GRM7: variants seen among roughly 807,000 people sequenced by gnomAD.
GRM7 encodes the protein metabotropic glutamate receptor 7.
A neutral mutation model predicts 84.5 loss-of-function variants in GRM7; 35 were observed. That is an observed-to-expected ratio of 0.41 (90% confidence interval 0.32 to 0.55). GRM7 has a LOEUF of 0.55. Ranked by LOEUF, GRM7 falls within the 20% of genes least tolerant of loss-of-function variation. GRM7 has a pLI of 0.19. For synonymous variants in GRM7, 487 were observed against 455.1 expected (o/e 1.07, Z -0.89); for missense variants, 1,003 against 1,194.6 (o/e 0.84, Z 2.36).
At chr3:6,955,524 C>T (rs113823154) in intron 1 of GRM7, among the ~76,000 whole-genome samples, 1 of 149,878 alleles carries the variant, frequency 6.7e-6, no homozygotes. Flanking sequence ...GTGACAGAGC[C>T]AGGCTCCATC....
intron 1 of GRM7, among the ~76,000 whole-genome samples, chr3:6,900,611 C>T (rs1298080205): frequency 6.6e-6 from 1 of 151,886 alleles, no homozygotes; most frequent in Non-Finnish European, 1.5e-5. Flanking sequence ...ATTTGAAATG[C>T]GATGATATAC....
At chr3:7,313,914 T>TGGAGAG in intron 4 of GRM7, among the ~76,000 whole-genome samples, 1 of 116,264 alleles carries the variant, frequency 8.6e-6, no homozygotes, top group South Asian at 2.7e-4. Context: ...AGTTGTAAAA[T>TGGAGAG]GGAGAGAGAG....
At chr3:7,369,088 T>C (rs1694029427) in intron 4 of GRM7, among the ~76,000 whole-genome samples, 1 of 152,104 alleles carries the variant, frequency 6.6e-6, no homozygotes, top group South Asian at 2.1e-4. Flanking sequence ...AGGCAGGGTC[T>C]TTCTCTGTCA....
At chr3:7,617,216 T>G (rs1697130169) in intron 8 of GRM7, among the ~76,000 whole-genome samples, 1 of 152,080 alleles carries the variant, frequency 6.6e-6, no homozygotes, top group Admixed American at 6.6e-5. Context: ...AATGAAACAC[T>G]AGGCATAAAT....
chr3:7,513,130 T>C (rs1415413530), intron 7 of GRM7, among the ~76,000 whole-genome samples: 1 of 152,160 alleles, frequency 6.6e-6, no homozygotes, highest in East Asian at 1.9e-4. Context: ...AGAAAGTTTT[T>C]GCAGAGAAAA....
At chr3:7,603,449 G>C (rs559792782) in intron 8 of GRM7, among the ~76,000 whole-genome samples, 46 of 152,216 alleles carry the variant, frequency 3.0e-4, no homozygotes, top group African/African-American at 1.1e-3. Flanking sequence ...CAGGACCCTT[G>C]ATAGGCCATA....
intron 4 of GRM7, among the ~76,000 whole-genome samples, chr3:7,372,749 A>G (rs1217065897): frequency 1.3e-5 from 2 of 152,130 alleles, no homozygotes; most frequent in African/African-American, 4.8e-5. Context: ...AAGCCATGTT[A>G]TATCTTATCA....
chr3:7,388,703 TA>T (rs1694878646), intron 4 of GRM7, among the ~76,000 whole-genome samples: 1 of 152,128 alleles, frequency 6.6e-6, no homozygotes, highest in South Asian at 2.1e-4. Flanking sequence ...CTATTTCCTT[TA>T]GATTTTCTTT....
At chr3:7,591,842 A>T (rs1002247315) in intron 8 of GRM7, among the ~76,000 whole-genome samples, 1 of 152,156 alleles carries the variant, frequency 6.6e-6, no homozygotes, top group African/African-American at 2.4e-5. Context: ...TACAAAAGTT[A>T]AGTGACTTTT....
At chr3:7,586,308 C>T (rs767206092) in intron 8 of GRM7, among the ~76,000 whole-genome samples, 16 of 152,084 alleles carry the variant, frequency 1.1e-4, no homozygotes, top group Non-Finnish European at 1.8e-4. Context: ...TAGCATACTG[C>T]TCCAGCCATT....
chr3:7,266,227 A>G, intron 2 of GRM7, among the ~76,000 whole-genome samples: 1 of 152,224 alleles, frequency 6.6e-6, no homozygotes, highest in African/African-American at 2.4e-5. Context: ...GTACAGGTTC[A>G]AGCCAGTGCT....
chr3:7,064,304 A>ATCTT (rs1697544953), intron 1 of GRM7, among the ~76,000 whole-genome samples: 1 of 150,546 alleles, frequency 6.6e-6, no homozygotes, highest in South Asian at 2.1e-4. Flanking sequence ...TGCATAGCTT[A>ATCTT]GCCCCCACAT....
chr3:6,874,139 G>A (rs1695222139), intron 1 of GRM7, among the ~76,000 whole-genome samples: 1 of 152,172 alleles, frequency 6.6e-6, no homozygotes, highest in Non-Finnish European at 1.5e-5. Flanking sequence ...ACTGCATACT[G>A]TTGTTGTGAA....
At chr3:7,012,080 C>A (rs1433240843) in intron 1 of GRM7, among the ~76,000 whole-genome samples, 1 of 152,152 alleles carries the variant, frequency 6.6e-6, no homozygotes, top group East Asian at 1.9e-4. Context: ...CTTTCCCTGT[C>A]ACTAGAGTAC....
rs181257129 is a variant in GRM7, at chr3:7,654,372, C to T, written c.2452-25677C>T. Among the ~76,000 whole-genome samples, 433 of 152,194 alleles carry T rather than the reference C, an allele frequency of 2.8e-3. 7 individuals are homozygous for T. Among genetic ancestry groups the T allele is most frequent in the Middle Eastern group, 0.017 (5 of 294 alleles). On this transcript the variant is annotated intron_variant, in intron 8 of 9. Transcript: ENST00000357716. ...CTTCTGTTGGGTGACATCTTTAGCC[C>T]CTGTGCTATCTCTATAATTAAAGCA... is the stretch of plus-strand genomic sequence containing the variant.
intron 1 of GRM7, among the ~76,000 whole-genome samples, chr3:6,904,835 T>C (rs183431751): frequency 6.6e-6 from 1 of 152,122 alleles, no homozygotes; most frequent in Non-Finnish European, 1.5e-5. Flanking sequence ...ATCCTCCACC[T>C]TCAGTCTCCC....
chr3:7,318,898 A>G (rs1441011738), intron 4 of GRM7, among the ~76,000 whole-genome samples: 1 of 152,080 alleles, frequency 6.6e-6, no homozygotes, highest in African/African-American at 2.4e-5. Context: ...TTGCAAAAAG[A>G]GCTGACTGCT....
At chr3:7,244,648 C>A (rs1697689460) in intron 2 of GRM7, among the ~76,000 whole-genome samples, 1 of 152,084 alleles carries the variant, frequency 6.6e-6, no homozygotes, top group Admixed American at 6.6e-5. Context: ...AACCAAACTC[C>A]CACAAGATTA....
chr3:7,205,529 T>A (rs905074990), intron 2 of GRM7, among the ~76,000 whole-genome samples: 2 of 152,236 alleles, frequency 1.3e-5, no homozygotes, highest in Non-Finnish European at 2.9e-5. Flanking sequence ...TTTTGTTTAA[T>A]ACTCTTATAT....
Sources: allele counts gnomAD v4.1 joint callset (sites outside exome capture counted in the v4.1 genomes callset), GRCh38; gene constraint gnomAD v4.1.1; transcripts MANE v1.5; gene names NCBI Gene and HGNC (gene_info 2026-07-23, HGNC 2026-07-21).